The following SLC16A7 variants were observed in gnomAD, a reference collection of about 807,000 sequenced individuals.
The protein encoded by SLC16A7 is solute carrier family 16 member 7, also known as monocarboxylate transporter 2.
In SLC16A7, 33 loss-of-function variants were observed where a neutral mutation model predicts 34.9. The ratio of observed to expected loss-of-function variants is 0.94; its 90% CI spans 0.72 to 1.26. SLC16A7 has a LOEUF of 1.26. Among genes scored for constraint, SLC16A7 ranks in the 50% most tolerant of loss-of-function variants. SLC16A7 has a pLI of 0.00. For missense variants in SLC16A7, 573 were observed against 578.1 expected (o/e 0.99, Z 0.09); for synonymous variants, 201 against 206.6 (o/e 0.97, Z 0.23).
chr12:59,751,476 T>TA (rs1257198269), intron 3 of SLC16A7, among the ~76,000 whole-genome samples: 1 of 152,230 alleles, frequency 6.6e-6, no homozygotes, highest in Non-Finnish European at 1.5e-5. Context: ...CGTAGGGTCT[T>TA]ACGACCATGG....
chr12:59,712,989 A>G (rs1048385819), intron 3 of SLC16A7, among the ~76,000 whole-genome samples: 2 of 151,508 alleles, frequency 1.3e-5, no homozygotes, highest in Non-Finnish European at 2.9e-5. Context: ...CTTTCTATGG[A>G]TGTTTTCTTT....
chr12:59,737,117 G>T (rs1877690958), intron 3 of SLC16A7, among the ~76,000 whole-genome samples: 1 of 152,210 alleles, frequency 6.6e-6, no homozygotes, highest in South Asian at 2.1e-4. Context: ...CACAGTTGCA[G>T]ATGGGGAAGG....
intron 3 of SLC16A7, among the ~76,000 whole-genome samples, chr12:59,756,512 A>T (rs545919348): frequency 2.2e-3 from 332 of 152,250 alleles, no homozygotes; most frequent in African/African-American, 7.5e-3. Flanking sequence ...AAAAATGCTC[A>T]CCATCACTGG....
At chr12:59,758,211 T>G (rs1286249878) in intron 3 of SLC16A7, among the ~76,000 whole-genome samples, 2 of 152,110 alleles carry the variant, frequency 1.3e-5, no homozygotes, top group Non-Finnish European at 1.5e-5. Flanking sequence ...ACTGTACACT[T>G]AAAAATTTGT....
At chr12:59,761,312 T>C in intron 3 of SLC16A7, 1 of 383,678 alleles carries the variant, frequency 2.6e-6, no homozygotes, top group South Asian at 2.4e-5. Context: ...GTTAGGTTTC[T>C]AACTTTTCCA....
intron 1 of SLC16A7, among the ~76,000 whole-genome samples, chr12:59,637,797 G>A (rs1880499822): frequency 6.6e-6 from 1 of 152,126 alleles, no homozygotes; most frequent in African/African-American, 2.4e-5. Flanking sequence ...TAGGTCATAA[G>A]GGCTCTGCCT....
intron 1 of SLC16A7, among the ~76,000 whole-genome samples, chr12:59,600,040 A>G (rs1001790262): frequency 6.6e-6 from 1 of 152,158 alleles, no homozygotes. Context: ...ACTTATCAAC[A>G]AAGACAAGTT....
At chr12:59,672,723 T>G (rs1687344981) in intron 2 of SLC16A7, among the ~76,000 whole-genome samples, 1 of 152,196 alleles carries the variant, frequency 6.6e-6, no homozygotes, top group South Asian at 2.1e-4. Flanking sequence ...TGTTGATTCT[T>G]TGGCTGACTT....
At chr12:59,684,529 C>G (rs1294489996) in intron 2 of SLC16A7, among the ~76,000 whole-genome samples, 1 of 152,038 alleles carries the variant, frequency 6.6e-6, no homozygotes, top group Non-Finnish European at 1.5e-5. Context: ...GTTGGTAAAC[C>G]AAAGGTCAGA....
intron 3 of SLC16A7, among the ~76,000 whole-genome samples, chr12:59,748,635 A>G (rs1879160987): frequency 6.6e-6 from 1 of 152,214 alleles, no homozygotes; most frequent in African/African-American, 2.4e-5. Flanking sequence ...GCTGCCTACC[A>G]TTTCAAGATA....
intron 1 of SLC16A7, among the ~76,000 whole-genome samples, chr12:59,608,186 A>G (rs1879033094): frequency 6.6e-6 from 1 of 151,922 alleles, no homozygotes; most frequent in African/African-American, 2.4e-5. Context: ...TTTTCTCTTT[A>G]CCTTGCCTCT....
intron 3 of SLC16A7, among the ~76,000 whole-genome samples, chr12:59,739,895 G>C (rs1298839124): frequency 6.6e-6 from 1 of 152,084 alleles, no homozygotes; most frequent in Non-Finnish European, 1.5e-5. Context: ...GGGGTTGTTT[G>C]TTTTTCTCTT....
At chr12:59,729,127 T>A (rs1876633910) in intron 3 of SLC16A7, among the ~76,000 whole-genome samples, 2 of 152,244 alleles carry the variant, frequency 1.3e-5, no homozygotes, top group South Asian at 4.1e-4. Context: ...TTCTTATTAA[T>A]CATATTTATG....
chr12:59,747,521 C>G (rs1367813305), intron 3 of SLC16A7, among the ~76,000 whole-genome samples: 2 of 152,144 alleles, frequency 1.3e-5, no homozygotes, highest in Admixed American at 6.5e-5. Context: ...ATATCTAGAA[C>G]TTGTGATCTT....
intron 3 of SLC16A7, among the ~76,000 whole-genome samples, chr12:59,749,011 TC>T (rs1269631956): frequency 6.6e-6 from 1 of 152,150 alleles, no homozygotes. Context: ...GCAGATGACT[TC>T]CAAGACATCA....
chr12:59,772,880 GTGT>G (rs1882370098), intron 4 of SLC16A7, among the ~76,000 whole-genome samples: 1 of 151,872 alleles, frequency 6.6e-6, no homozygotes, highest in South Asian at 2.1e-4. Flanking sequence ...AAATCTTTTT[GTGT>G]TGTTAGGTGA....
intron 2 of SLC16A7, among the ~76,000 whole-genome samples, chr12:59,664,012 G>GAAATCAGATATTTCTCA (rs1868996416): frequency 6.6e-6 from 1 of 152,042 alleles, no homozygotes; most frequent in Non-Finnish European, 1.5e-5. Context: ...TGATAGAGGA[G>GAAATCAGATATTTCTCA]TCTGGCATGC....
intron 2 of SLC16A7, among the ~76,000 whole-genome samples, chr12:59,666,942 G>T (rs1869255406): frequency 6.6e-6 from 1 of 152,156 alleles, no homozygotes; most frequent in Admixed American, 6.5e-5. Flanking sequence ...TGCTGATAAA[G>T]ACATTCCAGA....
rs75900922 is a variant in SLC16A7, at chr12:59,641,850, C to T, written c.-129-13302C>T. 8.6e-4 allele frequency among the ~76,000 whole-genome samples: 130 copies of T among 152,014 alleles called. 2 individuals are homozygous for T. The East Asian group carries it at 0.021, about 24-fold the overall frequency. ...TATAGAATGTCTTTGTGGCCCTTTC[C>T]TAGATGTCATTAATAAGGCAGTGTA... On this transcript the variant is annotated intron_variant, in intron 1 of 5. Transcript: ENST00000547379.
Sources: gnomAD v4.1 joint callset for allele counts (sites outside exome capture counted in the v4.1 genomes callset) on GRCh38, gnomAD v4.1.1 for gene constraint, MANE v1.5 for transcripts, NCBI Gene and HGNC (gene_info 2026-07-23, HGNC 2026-07-21) for gene names.